The following PPA2 variants were observed in gnomAD, a reference collection of about 807,000 sequenced individuals.
The protein encoded by PPA2 is inorganic pyrophosphatase 2, mitochondrial.
In PPA2, 48 loss-of-function variants were observed where a neutral mutation model predicts 49.5. The observed-to-expected ratio is 0.97, with a 90% CI of 0.77 to 1.23. PPA2 has a LOEUF of 1.23. PPA2 is among the 50% of genes most tolerant of loss of function. PPA2 has a pLI of 0.00. For missense variants in PPA2, 429 were observed against 410.1 expected, an observed-to-expected ratio of 1.05 and a Z score of -0.40; for synonymous variants, 131 against 139.9, an observed-to-expected ratio of 0.94 and a Z score of 0.45.
chr4:105,372,908 T>A (rs1733084095), intron 10 of PPA2, among the ~76,000 whole-genome samples: 1 of 152,242 alleles, frequency 6.6e-6, no homozygotes, highest in African/African-American at 2.4e-5. Context: ...TCTACTCTGT[T>A]TTAAGAAAAA....
chr4:105,413,328 G>T (rs369962797), intron 7 of PPA2, among the ~76,000 whole-genome samples: 6 of 152,030 alleles, frequency 3.9e-5, no homozygotes, highest in African/African-American at 1.4e-4. Context: ...GGGGGGTGGG[G>T]GACTGGGGGA....
At chr4:105,472,051 C>T (rs1723544855) in intron 1 of PPA2, among the ~76,000 whole-genome samples, 1 of 152,216 alleles carries the variant, frequency 6.6e-6, no homozygotes, top group Admixed American at 6.5e-5. Context: ...TGCCCCCATT[C>T]GACATCCTGT....
At chr4:105,418,421 ATATT>A in intron 7 of PPA2, among the ~76,000 whole-genome samples, 1 of 152,342 alleles carries the variant, frequency 6.6e-6, no homozygotes, top group East Asian at 1.9e-4. Flanking sequence ...GTGTCTCAAC[ATATT>A]TATTTTTGCC....
At chr4:105,396,508 A>C (rs899610922) in intron 8 of PPA2, among the ~76,000 whole-genome samples, 174 bp from the exon 9 acceptor site, 1 of 152,200 alleles carries the variant, frequency 6.6e-6, no homozygotes, top group African/African-American at 2.4e-5. Context: ...GACTTTGGGC[A>C]GGTTACTTAA....
At chr4:105,398,983 A>G in intron 8 of PPA2, 54 bp downstream of exon 8, 1 of 1,555,514 alleles carries the variant, frequency 6.4e-7, no homozygotes, top group South Asian at 1.2e-5. Flanking sequence ...AAGTGAAACG[A>G]ATATTGTACA....
chr4:105,392,056 T>C (rs1365718841), intron 9 of PPA2, among the ~76,000 whole-genome samples: 5 of 152,048 alleles, frequency 3.3e-5, no homozygotes, highest in Non-Finnish European at 7.4e-5. Context: ...GTAAACAGAA[T>C]AGTACATTTC....
chr4:105,384,952 T>G (rs567551832), intron 10 of PPA2, among the ~76,000 whole-genome samples: 1 of 152,166 alleles, frequency 6.6e-6, no homozygotes, highest in Non-Finnish European at 1.5e-5. Context: ...CAATCTCATC[T>G]CCTCCTTTCT....
chr4:105,456,573 C>A, intron 2 of PPA2, 108 bp downstream of exon 2: 3 of 844,214 alleles, frequency 3.6e-6, no homozygotes, highest in Non-Finnish European at 5.6e-6. Flanking sequence ...TCCTGTTTGT[C>A]CTCCTGACTT....
At chr4:105,458,919 C>T (rs1406561118) in intron 1 of PPA2, among the ~76,000 whole-genome samples, 1 of 150,444 alleles carries the variant, frequency 6.6e-6, no homozygotes, top group Non-Finnish European at 1.5e-5. Flanking sequence ...TTGTGCTTTA[C>T]CTTAGCACTT....
Position 105,386,654 on chromosome 4 carries a change from ATGT to A in PPA2, c.870-21_870-19del. On this transcript the variant is annotated intron_variant, in intron 9 of 11. Transcript: ENST00000341695. ...CGTTTGTGCTGGAGAGGAAAAGAGA[ATGT>A]TATTATTAAACAGGATAAAAAGAAA... The A allele has an allele frequency of 6.2e-7, 1 of 1,604,988 alleles. No individual in the cohort carries two copies. The highest frequency in any genetic ancestry group is 8.5e-7 in the Non-Finnish European group (1 of 1,172,828).
chr4:105,382,178 T>A (rs969703320), intron 10 of PPA2, among the ~76,000 whole-genome samples: 2 of 152,064 alleles, frequency 1.3e-5, no homozygotes, highest in Non-Finnish European at 2.9e-5. Flanking sequence ...TACTTTTAAA[T>A]TTTCAAACAC....
At chr4:105,385,153 T>C (rs913552769) in intron 10 of PPA2, among the ~76,000 whole-genome samples, 8 of 152,194 alleles carry the variant, frequency 5.3e-5, no homozygotes, top group Non-Finnish European at 8.8e-5. Flanking sequence ...CTGACTGCCT[T>C]TTTAATAACT....
In PPA2 at chr4:105,396,354, TA is replaced by T. The variant is rs200746953; in HGVS notation, c.784-21del. On this transcript the variant is annotated intron_variant, in intron 8 of 11. Coordinates refer to ENST00000341695, the MANE Select transcript of PPA2 (RefSeq NM_176869.3). The stretch of plus-strand genomic sequence containing the variant: ...AAAAGCCTAGCTCCAAACAAACAAA[TA>T]AAAAAAGACGTATTTAATATCAGTC... The T allele has an allele frequency of 0.035, 45,925 of 1,296,754 alleles. 829 individuals are homozygous for T. Among genetic ancestry groups the T allele is most frequent in the Non-Finnish European group, 0.044 (40,920 of 928,414 alleles). The allele number at this position is 1,296,754 out of a possible 1,614,324, so 80.3% of individuals were successfully genotyped here.
rs1724145175 is a variant in PPA2 at position 105,438,025 on chromosome 4, A to C, written c.453T>G (p.Asp151Glu). The change falls in exon 6 of 12, where the codon GAT (aspartate) becomes GAG (glutamate). Residue 151 changes from aspartate to glutamate, a missense_variant. Asp to Glu is a conservative substitution (Grantham distance 45). Transcript: ENST00000341695. The part of the protein sequence containing the change: ...NYGTLPQTWE[D>E]PHEKDKSTNC... ...TCGTGCTCTTATCTTTTTCATGGGG[A>C]TCTTCCCAAGTCTAAAATTTTTTTT... 2 of 1,604,504 alleles carry C rather than the reference A, an allele frequency of 1.2e-6. No homozygotes were observed. The highest frequency in any genetic ancestry group is 2.7e-5 in the African/African-American group (2 of 74,182).
intron 9 of PPA2, among the ~76,000 whole-genome samples, chr4:105,392,475 C>G (rs970679245): frequency 6.6e-6 from 1 of 151,950 alleles, no homozygotes; most frequent in African/African-American, 2.4e-5. Context: ...GAGTTTGAGA[C>G]CAGCCTGGCC....
At chr4:105,470,509 AT>A (rs1723477287) in intron 1 of PPA2, among the ~76,000 whole-genome samples, 3 of 152,236 alleles carry the variant, frequency 2.0e-5, no homozygotes, top group Non-Finnish European at 2.9e-5. Flanking sequence ...AACCAAAAAA[AT>A]AAAAATAAAA....
intron 7 of PPA2, among the ~76,000 whole-genome samples, chr4:105,409,290 T>G (rs188825768): frequency 1.2e-4 from 18 of 152,338 alleles, no homozygotes; most frequent in Non-Finnish European, 2.2e-4. Context: ...CGGAGCCTTG[T>G]TCACTGCTAG....
chr4:105,395,527 G>T (rs571406373), intron 9 of PPA2, among the ~76,000 whole-genome samples: 174 of 152,246 alleles, frequency 1.1e-3, no homozygotes, highest in Non-Finnish European at 1.4e-3. Flanking sequence ...GAGTGTGGAA[G>T]AACTGTTTCT....
chr4:105,439,249 C>T (rs962879075), intron 5 of PPA2, among the ~76,000 whole-genome samples: 1 of 152,112 alleles, frequency 6.6e-6, no homozygotes, highest in Non-Finnish European at 1.5e-5. Flanking sequence ...AGAGTTTAAA[C>T]TTGCACAAAC....
Sources: gnomAD v4.1 joint callset for allele counts (sites outside exome capture counted in the v4.1 genomes callset) on GRCh38, gnomAD v4.1.1 for gene constraint, MANE v1.5 for transcripts, NCBI Gene and HGNC (gene_info 2026-07-23, HGNC 2026-07-21) for gene names.